The following DLGAP2 variants were observed in gnomAD, a reference collection of about 807,000 sequenced individuals.
DLGAP2 encodes disks large-associated protein 2.
DLGAP2 carries 26 observed loss-of-function variants against 100.3 expected under a neutral mutation model. The observed-to-expected ratio is 0.26, with a 90% CI of 0.19 to 0.36. The LOEUF (loss-of-function observed/expected upper bound fraction) is 0.36. Ranked by LOEUF, DLGAP2 falls within the 10% of genes least tolerant of loss-of-function variation. DLGAP2 has a pLI of 1.00. For synonymous variants in DLGAP2, 886 were observed against 630.1 expected, an observed-to-expected ratio of 1.41 and a Z score of -6.08; for missense variants, 1,858 against 1,453.2, an observed-to-expected ratio of 1.28 and a Z score of -4.53.
At position 1,494,461 on chromosome 8, in the gene DLGAP2, G is replaced by T. The variant is rs79808584; in HGVS notation, c.107-6905G>T. Among the ~76,000 whole-genome samples the T allele has an allele frequency of 9.0e-3, 1,375 of 152,310 alleles. 19 individuals carry two copies. The highest frequency in any genetic ancestry group is 0.015 in the Non-Finnish European group (988 of 68,032). On this transcript the variant is annotated intron_variant, in intron 3 of 14. Transcript: ENST00000637795. ...ATGAGGGGCCACTTGGGCAGGTGCG[G>T]TGCCTCACGCCTTAATCCCAGCACT... is the stretch of plus-strand genomic sequence containing the variant.
intron 2 of DLGAP2, among the ~76,000 whole-genome samples, chr8:1,211,160 C>T (rs1174050373): frequency 1.3e-5 from 2 of 152,222 alleles, no homozygotes; most frequent in African/African-American, 4.8e-5. Flanking sequence ...CTCATGTGAA[C>T]AGGCTGCGTT....
At chr8:818,335 G>A (rs1316081387) in intron 1 of DLGAP2, among the ~76,000 whole-genome samples, 1 of 152,154 alleles carries the variant, frequency 6.6e-6, no homozygotes, top group East Asian at 1.9e-4. Context: ...CTGTCCTAAA[G>A]GTTGGTCTAA....
chr8:1,243,827 TA>T (rs1433458498), intron 2 of DLGAP2, among the ~76,000 whole-genome samples: 2 of 152,198 alleles, frequency 1.3e-5, no homozygotes, highest in Admixed American at 6.5e-5. Flanking sequence ...CATTTACTTA[TA>T]TAACTCCTTT....
intron 3 of DLGAP2, among the ~76,000 whole-genome samples, chr8:1,363,549 C>G (rs890976927): frequency 6.6e-6 from 1 of 152,202 alleles, no homozygotes; most frequent in African/African-American, 2.4e-5. Flanking sequence ...ATGGTGGGGT[C>G]CCCGGCATTT....
chr8:1,164,749 G>C (rs1252425696), intron 2 of DLGAP2, among the ~76,000 whole-genome samples: 6 of 152,116 alleles, frequency 3.9e-5, no homozygotes, highest in African/African-American at 4.8e-5. Context: ...ACAAATGTCT[G>C]AGGTCTATGT....
intron 3 of DLGAP2, among the ~76,000 whole-genome samples, chr8:1,288,049 TG>T (rs2116964179): frequency 7.0e-6 from 1 of 143,576 alleles, no homozygotes; most frequent in African/African-American, 2.6e-5. Context: ...TGTGTGTGTG[TG>T]TATGGTTCTG....
At chr8:1,058,249 A>G (rs1802943220) in intron 2 of DLGAP2, among the ~76,000 whole-genome samples, 1 of 152,002 alleles carries the variant, frequency 6.6e-6, no homozygotes, top group Admixed American at 6.6e-5. Context: ...GCATTTTGCT[A>G]AAGACCTTCT....
rs11990307 is a variant in DLGAP2 at position 1,213,518 on chromosome 8, C to T, written c.74-45333C>T. On this transcript the variant is annotated intron_variant, in intron 2 of 14. Coordinates refer to ENST00000637795, the MANE Select transcript of DLGAP2 (RefSeq NM_001346810.2). ...GTTAAATATTCCTGACTTTATATCACCCGTGTTTTAGTGAGGGATTTCCAC... is the reference window on the plus strand; with the variant it reads ...GTTAAATATTCCTGACTTTATATCATCCGTGTTTTAGTGAGGGATTTCCAC... Among the ~76,000 whole-genome samples the T allele has an allele frequency of 8.1e-3, 1,231 of 152,180 alleles. 18 individuals are homozygous for T. Among genetic ancestry groups the T allele is most frequent in the African/African-American group, 0.028 (1,169 of 41,504 alleles).
intron 2 of DLGAP2, among the ~76,000 whole-genome samples, chr8:1,115,976 G>T (rs749827796): frequency 2.0e-5 from 3 of 152,166 alleles, no homozygotes; most frequent in Non-Finnish European, 4.4e-5. Flanking sequence ...AGACATCAGT[G>T]CCCAGGAAAC....
At chr8:890,682 G>C (rs1296752729) in intron 1 of DLGAP2, among the ~76,000 whole-genome samples, 4 of 151,976 alleles carry the variant, frequency 2.6e-5, no homozygotes, top group Non-Finnish European at 5.9e-5. Context: ...GCCACCAGCA[G>C]AGCCACCTGT....
At chr8:1,442,025 C>T (rs1272986581) in intron 3 of DLGAP2, among the ~76,000 whole-genome samples, 1 of 152,146 alleles carries the variant, frequency 6.6e-6, no homozygotes, top group Non-Finnish European at 1.5e-5. Flanking sequence ...TGACCAGTTT[C>T]TAAGGGGAAC....
At position 1,707,851 on chromosome 8, in the gene DLGAP2, C is replaced by G. The variant is rs868734964; in HGVS notation, c.*6445C>G. 1 of 152,590 alleles carries G rather than the reference C, an allele frequency of 6.6e-6. No individual in the cohort carries two copies. Among genetic ancestry groups the G allele is most frequent in the East Asian group, 1.9e-4 (1 of 5,200 alleles). The allele number at this position is 152,590 out of a possible 1,614,324, so 9.5% of individuals were successfully genotyped here. A position where few individuals can be genotyped will look rare whatever the true frequency, so the allele number is the denominator to read the frequency against. On this transcript the variant is annotated 3_prime_UTR_variant, in exon 15 of 15. Coordinates refer to ENST00000637795, the MANE Select transcript of DLGAP2 (RefSeq NM_001346810.2). ...GAGCAGAGTGCCAAATATTCAGCAT[C>G]TGTACAAAGTCATTCACTGGAATTC...
chr8:917,677 T>C (rs1229820652), intron 2 of DLGAP2, among the ~76,000 whole-genome samples: 1 of 152,170 alleles, frequency 6.6e-6, no homozygotes, highest in Non-Finnish European at 1.5e-5. Flanking sequence ...ACCTCCCAGG[T>C]TCAAATCATT....
chr8:1,043,314 ATGGACGTGGGTGATGGGTGTGGGTGG>A (rs1563161533), intron 2 of DLGAP2, among the ~76,000 whole-genome samples: 4 of 19,562 alleles, frequency 2.0e-4, no homozygotes, highest in African/African-American at 5.8e-4. Context: ...GGTGTGGGTG[ATGGACGTGGGTGATGGGTGTGGGTGG>A]TGGGTGTGGG....
At chr8:1,347,245 T>C (rs1484447480) in intron 3 of DLGAP2, among the ~76,000 whole-genome samples, 6 of 151,150 alleles carry the variant, frequency 4.0e-5, no homozygotes. Flanking sequence ...ATGGTGGCTG[T>C]GTGTAGGTTG....
chr8:1,289,245 G>A (rs1800007284), intron 3 of DLGAP2, among the ~76,000 whole-genome samples: 1 of 152,180 alleles, frequency 6.6e-6, no homozygotes, highest in Admixed American at 6.5e-5. Flanking sequence ...TGAGGTACAT[G>A]GATCAGTAAG....
chr8:1,195,316 G>C (rs1227893203), intron 2 of DLGAP2, among the ~76,000 whole-genome samples: 3 of 152,148 alleles, frequency 2.0e-5, no homozygotes, highest in African/African-American at 7.2e-5. Flanking sequence ...AGCAGAGCCT[G>C]AAGTCAGGGC....
intron 6 of DLGAP2, among the ~76,000 whole-genome samples, chr8:1,595,155 C>T (rs542103779): frequency 6.6e-6 from 1 of 152,154 alleles, no homozygotes; most frequent in Non-Finnish European, 1.5e-5. Context: ...ATTCTCCCAC[C>T]TCAACCTCCC....
intron 1 of DLGAP2, among the ~76,000 whole-genome samples, chr8:901,002 C>T (rs568284544): frequency 3.9e-5 from 6 of 152,206 alleles, no homozygotes; most frequent in South Asian, 2.1e-4. Context: ...AAAGACAAGT[C>T]GGGGTAGGTT....
Sources: allele counts gnomAD v4.1 joint callset (sites outside exome capture counted in the v4.1 genomes callset), GRCh38; gene constraint gnomAD v4.1.1; transcripts MANE v1.5; gene names NCBI Gene and HGNC (gene_info 2026-07-23, HGNC 2026-07-21).